Variants in DYNC2I1 observed in about 807,000 individuals in gnomAD.
The protein encoded by DYNC2I1 is dynein 2 intermediate chain 1.
DYNC2I1 carries 89 observed loss-of-function variants against 133.4 expected under a neutral mutation model. The observed-to-expected ratio is 0.67, with a 90% CI of 0.56 to 0.80. The LOEUF is 0.80. Ranked by LOEUF, DYNC2I1 falls within the 30% of genes least tolerant of loss-of-function variation. The pLI is 0.00. For synonymous variants in DYNC2I1, 504 were observed against 484.3 expected (o/e 1.04, Z -0.54); for missense variants, 1,291 against 1,314.5 (o/e 0.98, Z 0.28).
At chr7:158,911,171 G>A (rs1585124730) in intron 11 of DYNC2I1, among the ~76,000 whole-genome samples, 4 of 152,338 alleles carry the variant, frequency 2.6e-5, no homozygotes, top group African/African-American at 9.6e-5. Flanking sequence ...TGGTGCAGGT[G>A]ATTGCATAGT....
the DYNC2I1 span, among the ~76,000 whole-genome samples, chr7:158,842,345 C>T: frequency 6.6e-6 from 1 of 152,158 alleles, no homozygotes; most frequent in Non-Finnish European, 1.5e-5. Flanking sequence ...CAGTTTTATT[C>T]CTCACATTCA....
chr7:158,874,213 T>C (rs1410641149), intron 3 of DYNC2I1, among the ~76,000 whole-genome samples: 2 of 150,872 alleles, frequency 1.3e-5, no homozygotes, highest in Non-Finnish European at 3.0e-5. Flanking sequence ...TAATTAATTT[T>C]TTTTTTTTTT....
chr7:158,921,711 G>A (rs535636166), intron 15 of DYNC2I1, among the ~76,000 whole-genome samples: 1 of 152,280 alleles, frequency 6.6e-6, no homozygotes, highest in East Asian at 1.9e-4. Context: ...GTGTGTGTGT[G>A]GCTGGGGTTG....
At chr7:158,923,540 G>A in intron 16 of DYNC2I1, 31 bp from the exon 17 acceptor site, 2 of 1,613,984 alleles carry the variant, frequency 1.2e-6, no homozygotes, top group Non-Finnish European at 1.7e-6. Context: ...ATATTCTTCT[G>A]TCATTGGCTT....
At chr7:158,927,116 G>T in intron 20 of DYNC2I1, 73 bp downstream of exon 20, 1 of 1,144,088 alleles carries the variant, frequency 8.7e-7, no homozygotes, top group South Asian at 1.4e-5. Context: ...TGATAACTGC[G>T]GTCAGGTGCA....
At chr7:158,943,048 GGT>G (rs1178425738) in intron 24 of DYNC2I1, among the ~76,000 whole-genome samples, 1 of 152,086 alleles carries the variant, frequency 6.6e-6, no homozygotes, top group Non-Finnish European at 1.5e-5. Flanking sequence ...CTACTGTGAG[GGT>G]TCATGTTGAC....
intron 1 of DYNC2I1, among the ~76,000 whole-genome samples, chr7:158,861,824 C>T (rs1441568378): frequency 6.6e-6 from 1 of 152,198 alleles, no homozygotes; most frequent in African/African-American, 2.4e-5. Context: ...GGAAACTGAT[C>T]ATCCTAGTTT....
chr7:158,925,467 T>G (rs1379374249), intron 17 of DYNC2I1, among the ~76,000 whole-genome samples: 3 of 152,186 alleles, frequency 2.0e-5, no homozygotes, highest in Non-Finnish European at 4.4e-5. Flanking sequence ...TTTTGCTTGT[T>G]TTTAGGAGGG....
At chr7:158,854,937 G>A (rs1009017053), upstream of DYNC2I1, among the ~76,000 whole-genome samples, 4 of 152,330 alleles carry the variant, frequency 2.6e-5, no homozygotes, top group Admixed American at 1.3e-4. Context: ...AGACTGGTGG[G>A]GGCCAAGGTG....
rs1563216226 is a variant in DYNC2I1 at position 158,945,563 on chromosome 7, C to T, written c.3003-18C>T. The T allele has an allele frequency of 6.3e-7, 1 of 1,590,874 alleles. No individual in the cohort carries two copies. The highest frequency in any genetic ancestry group is 8.6e-7 in the Non-Finnish European group (1 of 1,169,290). On this transcript the variant is annotated intron_variant, in intron 24 of 24. Coordinates refer to ENST00000407559, the MANE Select transcript of DYNC2I1 (RefSeq NM_018051.5). This position sits in a 1 kb window ranked among gnomAD's most constrained non-coding sequence, Gnocchi z 4.1. ...CTTTGTGTGCACTGACCCTCTGCTT[C>T]TGCCCCTCTCCCTGCAGGCTGGTGG...
chr7:158,927,102 G>C, intron 20 of DYNC2I1, 59 bp downstream of exon 20: 1 of 1,307,486 alleles, frequency 7.6e-7, no homozygotes, highest in Non-Finnish European at 1.1e-6. Context: ...GAGATTAAAA[G>C]TACTGATAAC....
At chr7:158,852,038 A>C (rs1004189828), upstream of DYNC2I1, among the ~76,000 whole-genome samples, 4 of 152,150 alleles carry the variant, frequency 2.6e-5, no homozygotes, top group African/African-American at 9.7e-5. Flanking sequence ...ATCTGTTTTC[A>C]TGGCCAGTGC....
intron 24 of DYNC2I1, among the ~76,000 whole-genome samples, chr7:158,944,364 G>A (rs1309986331): frequency 6.6e-6 from 1 of 152,108 alleles, no homozygotes; most frequent in East Asian, 1.9e-4. Context: ...CACATCTGCC[G>A]TAGGTGTAGT....
At chr7:158,922,745 T>G (rs1009996105) in intron 16 of DYNC2I1, among the ~76,000 whole-genome samples, 196 bp downstream of exon 16, 10 of 152,108 alleles carry the variant, frequency 6.6e-5, no homozygotes, top group Admixed American at 6.5e-4. Context: ...GTGCTTGTAG[T>G]TCAGAATGAG....
chr7:158,948,072 G>A (rs1446343932), downstream of DYNC2I1, among the ~76,000 whole-genome samples: 1 of 152,210 alleles, frequency 6.6e-6, no homozygotes, highest in Non-Finnish European at 1.5e-5. Flanking sequence ...CCTCCCAGGT[G>A]CAGCCTGCCC....
In DYNC2I1 at chr7:158,941,933, T is replaced by C. The variant is rs1303624403; in HGVS notation, c.2787T>C (p.Cys929=). The change falls in exon 24 of 25, where the codon TGT becomes TGC. Residue 929 remains cysteine (C), a synonymous_variant. Transcript: ENST00000407559. The stretch of plus-strand genomic sequence containing the variant: ...TTTCTTCCTGGTCATAGGCCGGCTG[T>C]TCGGACGGAAGCATCAGGCTGCACC... ...PFGEPIFLAG[C]SDGSIRLHQL... is the part of the protein sequence containing the mutation. 2 of 1,603,734 alleles carry C rather than the reference T, an allele frequency of 1.2e-6. No individual in the cohort carries two copies. The highest frequency in any genetic ancestry group is 3.4e-5 in the Admixed American group (2 of 58,516).
chr7:158,883,857 A>C (rs28569369), intron 5 of DYNC2I1, among the ~76,000 whole-genome samples: 2 of 145,810 alleles, frequency 1.4e-5, no homozygotes, highest in Admixed American at 1.4e-4. Flanking sequence ...GTAGAGACGG[A>C]GTTTCACCGT....
chr7:158,924,844 T>C (rs909964170), intron 17 of DYNC2I1, among the ~76,000 whole-genome samples: 2 of 152,122 alleles, frequency 1.3e-5, no homozygotes, highest in Non-Finnish European at 1.5e-5. Context: ...AATTTCTGCC[T>C]CCTGGATTCA....
intron 7 of DYNC2I1, among the ~76,000 whole-genome samples, chr7:158,887,933 G>A (rs574398080): frequency 3.6e-4 from 55 of 151,714 alleles, no homozygotes; most frequent in African/African-American, 1.3e-3. Flanking sequence ...GTCTCCATTA[G>A]GATCATAAGA....
Sources: gnomAD v4.1 joint callset for allele counts (sites outside exome capture counted in the v4.1 genomes callset) on GRCh38, gnomAD v4.1.1 for gene constraint, Gnocchi (gnomAD v3.1) non-coding constraint, MANE v1.5 for transcripts, NCBI Gene and HGNC (gene_info 2026-07-23, HGNC 2026-07-21) for gene names.